Variants in FMN1 observed in about 807,000 individuals in gnomAD.
FMN1 encodes formin 1.
In FMN1, 110 loss-of-function variants were observed where a neutral mutation model predicts 132.4. That is an observed-to-expected ratio of 0.83 (90% CI 0.71 to 0.97). FMN1 has a LOEUF of 0.97. Ranked by LOEUF, FMN1 falls within the 50% of genes least tolerant of loss-of-function variation. The probability of loss-of-function intolerance (pLI) is 0.00; values close to 1 mark genes in which losing one functional copy is unlikely to be tolerated. For missense variants in FMN1, 1,792 were observed against 1,705.3 expected, an observed-to-expected ratio of 1.05 and a Z score of -0.90; for synonymous variants, 722 against 651.7, an observed-to-expected ratio of 1.11 and a Z score of -1.64.
At chr15:33,131,328 CAAAA>C (rs10710700) in intron 4 of FMN1, among the ~76,000 whole-genome samples, 5 of 80,182 alleles carry the variant, frequency 6.2e-5, no homozygotes, top group Non-Finnish European at 9.7e-5. Context: ...GACTCCATCT[CAAAA>C]AAAAAAAAAA....
At position 32,926,289 on chromosome 15, in the gene FMN1, T is replaced by TAC. The variant is rs528827272; in HGVS notation, c.3139-30_3139-29dup. The TAC allele has an allele frequency of 6.0e-5, 73 of 1,208,040 alleles. 1 individual carries two copies. The African/African-American group carries it at 9.7e-4, about 16-fold the overall frequency. The allele number at this position is 1,208,040 out of a possible 1,614,324, so 74.8% of individuals were successfully genotyped here. A position where few individuals can be genotyped will look rare whatever the true frequency, so the allele number is the denominator to read the frequency against. On this transcript the variant is annotated intron_variant, in intron 9 of 20. Coordinates refer to ENST00000616417, the MANE Select transcript of FMN1 (RefSeq NM_001277313.2). ...AAAATTAGAAAAAAAAAAAAAAGAA[T>TAC]ACAAGCTCAAATGACCATGCAGTCT... is the stretch of plus-strand genomic sequence containing the variant.
chr15:33,157,187 C>T (rs963744066), intron 3 of FMN1, among the ~76,000 whole-genome samples: 7 of 151,718 alleles, frequency 4.6e-5, no homozygotes, highest in Non-Finnish European at 7.4e-5. Flanking sequence ...ATCCCTTGAA[C>T]CCAGGAGGCC....
At chr15:33,010,852 TAA>T (rs2034675845) in intron 6 of FMN1, among the ~76,000 whole-genome samples, 1 of 151,542 alleles carries the variant, frequency 6.6e-6, no homozygotes, top group African/African-American at 2.4e-5. Context: ...CAGAAATATG[TAA>T]AGACCTCATA....
intron 4 of FMN1, among the ~76,000 whole-genome samples, chr15:33,110,582 T>C (rs1479670312): frequency 6.6e-6 from 1 of 152,028 alleles, no homozygotes; most frequent in Non-Finnish European, 1.5e-5. Context: ...AGCTATTCTG[T>C]CATGCATCTC....
At chr15:33,114,317 C>G (rs2039828019) in intron 4 of FMN1, among the ~76,000 whole-genome samples, 1 of 152,214 alleles carries the variant, frequency 6.6e-6, no homozygotes, top group Admixed American at 6.5e-5. Flanking sequence ...TCCTAAAAGC[C>G]TAACTTCTGG....
chr15:32,850,725 C>T (rs541739547), intron 17 of FMN1, among the ~76,000 whole-genome samples: 3 of 152,216 alleles, frequency 2.0e-5, no homozygotes, highest in Non-Finnish European at 4.4e-5. Flanking sequence ...TTATATAATT[C>T]CTTTTGCATT....
chr15:32,931,400 T>C (rs2061113693), intron 9 of FMN1, among the ~76,000 whole-genome samples: 1 of 152,258 alleles, frequency 6.6e-6, no homozygotes, highest in Non-Finnish European at 1.5e-5. Context: ...AACTAGTCTG[T>C]ACTAGTCTTT....
intron 7 of FMN1, among the ~76,000 whole-genome samples, chr15:32,981,723 T>C (rs983110360): frequency 6.6e-6 from 1 of 152,030 alleles, no homozygotes; most frequent in African/African-American, 2.4e-5. Context: ...ATGATTCATT[T>C]AGCACAGGAC....
chr15:32,996,817 T>C lies in FMN1; in HGVS notation c.2223+11197A>G, dbSNP rs555395455. Among the ~76,000 whole-genome samples, 3 of 152,272 alleles carry C rather than the reference T, an allele frequency of 2.0e-5. No individual in the cohort carries two copies. The South Asian group carries it at 6.2e-4, about 32-fold the overall frequency. On this transcript the variant is annotated intron_variant, in intron 7 of 20. Coordinates refer to ENST00000616417, the MANE Select transcript of FMN1 (RefSeq NM_001277313.2). The stretch of plus-strand genomic sequence containing the variant: ...TAGAAGCAGCAACTAGTACCATTTA[T>C]CACACATGAACACACCATACAAGGA...
chr15:32,869,535 G>A (rs1371891893), intron 16 of FMN1, among the ~76,000 whole-genome samples: 1 of 152,188 alleles, frequency 6.6e-6, no homozygotes, highest in Admixed American at 6.5e-5. Flanking sequence ...ATAAAAGTCT[G>A]CAGTCTGGGA....
At chr15:33,151,520 TC>T in intron 4 of FMN1, 2 of 768,322 alleles carry the variant, frequency 2.6e-6, no homozygotes, top group Non-Finnish European at 4.0e-6. Flanking sequence ...CCTGCCTTGA[TC>T]CAGATACACT....
chr15:32,827,311 T>C (rs538362292), intron 17 of FMN1, among the ~76,000 whole-genome samples: 14 of 152,330 alleles, frequency 9.2e-5, no homozygotes, highest in Admixed American at 8.5e-4. Context: ...GAGCAGAGTT[T>C]GTGGCGGTAA....
chr15:33,149,111 A>G (rs969745922), intron 4 of FMN1, among the ~76,000 whole-genome samples: 3 of 152,144 alleles, frequency 2.0e-5, no homozygotes, highest in Non-Finnish European at 4.4e-5. Context: ...AAAGAGAAAT[A>G]AAATTAATGC....
chr15:33,124,366 C>G (rs1203554766), intron 4 of FMN1, among the ~76,000 whole-genome samples: 1 of 152,212 alleles, frequency 6.6e-6, no homozygotes, highest in Non-Finnish European at 1.5e-5. Context: ...TACTTCTGAT[C>G]AATGAGTAGG....
chr15:32,908,886 C>T (rs1315314909), intron 11 of FMN1, among the ~76,000 whole-genome samples: 1 of 152,174 alleles, frequency 6.6e-6, no homozygotes, highest in Non-Finnish European at 1.5e-5. Context: ...TATTTGAGCT[C>T]TACTTTTGAA....
chr15:32,927,610 CCA>C (rs1397107806), intron 9 of FMN1, among the ~76,000 whole-genome samples: 1 of 152,174 alleles, frequency 6.6e-6, no homozygotes, highest in Admixed American at 6.5e-5. Context: ...CATAGAAACT[CCA>C]CATACCTCAT....
chr15:32,852,055 G>A (rs1180742228), intron 17 of FMN1, among the ~76,000 whole-genome samples: 4 of 151,784 alleles, frequency 2.6e-5, no homozygotes, highest in African/African-American at 7.3e-5. Flanking sequence ...TTCAGGTATC[G>A]CCTCATTCTA....
chr15:33,038,721 A>C (rs1028910637), intron 6 of FMN1, among the ~76,000 whole-genome samples: 2 of 152,182 alleles, frequency 1.3e-5, no homozygotes, highest in African/African-American at 4.8e-5. Context: ...AGTCCCTGGG[A>C]GTCTTTACAC....
intron 3 of FMN1, among the ~76,000 whole-genome samples, chr15:33,169,734 C>CT (rs1965242389): frequency 8.0e-6 from 1 of 125,708 alleles, no homozygotes; most frequent in South Asian, 2.5e-4. Context: ...TTTTTTTTTT[C>CT]TTTTCCTTTT....
Sources: allele counts gnomAD v4.1 joint callset (sites outside exome capture counted in the v4.1 genomes callset), GRCh38; gene constraint gnomAD v4.1.1; transcripts MANE v1.5; gene names NCBI Gene and HGNC (gene_info 2026-07-23, HGNC 2026-07-21).